The following KHDRBS3 variants were observed in gnomAD, a reference collection of about 807,000 sequenced individuals.
KHDRBS3 encodes KH RNA binding domain containing, signal transduction associated 3.
A neutral mutation model predicts 45.6 loss-of-function variants in KHDRBS3; 23 were observed. The observed-to-expected ratio is 0.50, with a 90% CI of 0.36 to 0.72. The LOEUF (loss-of-function observed/expected upper bound fraction) is 0.72. Among genes scored for constraint, KHDRBS3 ranks in the 30% least tolerant of loss-of-function variants. KHDRBS3 has a pLI of 0.00. For synonymous variants in KHDRBS3, 162 were observed against 156.5 expected (o/e 1.04, Z -0.26); for missense variants, 352 against 424.8 (o/e 0.83, Z 1.51).
intron 2 of KHDRBS3, among the ~76,000 whole-genome samples, chr8:135,534,093 A>C (rs1214339061): frequency 6.6e-6 from 1 of 151,422 alleles, no homozygotes; most frequent in Non-Finnish European, 1.5e-5. Context: ...CTGTATCCAA[A>C]CATTTTTTAA....
chr8:135,524,098 C>T, intron 2 of KHDRBS3, among the ~76,000 whole-genome samples: 1 of 152,132 alleles, frequency 6.6e-6, no homozygotes, highest in Non-Finnish European at 1.5e-5. Context: ...TCACTGCAAC[C>T]TCCATCTCCT....
intron 3 of KHDRBS3, among the ~76,000 whole-genome samples, chr8:135,544,478 T>G (rs1485889604): frequency 2.0e-5 from 3 of 152,180 alleles, no homozygotes; most frequent in African/African-American, 7.2e-5. Context: ...CAAGGCTGTC[T>G]GCTGTTGGCA....
intron 1 of KHDRBS3, among the ~76,000 whole-genome samples, chr8:135,513,904 C>T (rs1053566185): frequency 6.6e-6 from 1 of 151,830 alleles, no homozygotes; most frequent in African/African-American, 2.4e-5. Context: ...AAGATTGCTT[C>T]TGTTTGACTC....
intron 7 of KHDRBS3, among the ~76,000 whole-genome samples, chr8:135,635,094 T>C (rs1830755339): frequency 6.6e-6 from 1 of 152,234 alleles, no homozygotes; most frequent in African/African-American, 2.4e-5. Flanking sequence ...ATTTATCATA[T>C]TAGAAATTAA....
rs1554614716 is a variant in KHDRBS3, at chr8:135,481,273, C to CT, written c.88+23333dup. Reference sequence around the variant, plus strand: ...ATATTTAATGTAAGCCTTCTGTGTACTTTTTTTTTTTTTTAATCACAGGTG... The same window carrying CT: ...ATATTTAATGTAAGCCTTCTGTGTACTTTTTTTTTTTTTTTAATCACAGGTG... On this transcript the variant is annotated intron_variant, in intron 1 of 8. Transcript: ENST00000355849. 1.6e-3 allele frequency among the ~76,000 whole-genome samples: 59 copies of CT among 36,658 alleles called. 2 individuals are homozygous for CT. The highest frequency in any genetic ancestry group is 5.6e-3 in the Admixed American group (18 of 3,230). 24.0% of individuals were successfully genotyped at this position (36,658 alleles called of 152,430 possible).
At chr8:135,496,507 A>G (rs1823456121) in intron 1 of KHDRBS3, among the ~76,000 whole-genome samples, 1 of 152,108 alleles carries the variant, frequency 6.6e-6, no homozygotes, top group African/African-American at 2.4e-5. Context: ...TGCTGGGATT[A>G]CAGGTATAAG....
intron 2 of KHDRBS3, among the ~76,000 whole-genome samples, chr8:135,533,268 A>G (rs1426566334): frequency 6.6e-6 from 1 of 152,208 alleles, no homozygotes; most frequent in Non-Finnish European, 1.5e-5. Context: ...TAAATTAGTG[A>G]CAAAACCAGA....
intron 1 of KHDRBS3, among the ~76,000 whole-genome samples, chr8:135,508,006 T>C (rs1284596109): frequency 6.6e-6 from 1 of 152,212 alleles, no homozygotes; most frequent in Non-Finnish European, 1.5e-5. Flanking sequence ...TAGAATTCTT[T>C]ATATAAAAGT....
At chr8:135,467,538 A>C (rs1305511934) in intron 1 of KHDRBS3, among the ~76,000 whole-genome samples, 1 of 152,158 alleles carries the variant, frequency 6.6e-6, no homozygotes, top group Non-Finnish European at 1.5e-5. Flanking sequence ...GCCTTTCGTG[A>C]TAGGCATTTT....
chr8:135,536,015 T>C lies in KHDRBS3; in HGVS notation c.208-6639T>C, dbSNP rs184570378. Among the ~76,000 whole-genome samples the C allele has an allele frequency of 1.6e-4, 24 of 152,200 alleles. No individual in the cohort carries two copies. The East Asian group carries it at 3.5e-3, about 22-fold the overall frequency. The stretch of plus-strand genomic sequence containing the variant: ...TATTTTCTTTAATTTTCTCTGTGAG[T>C]GCCTGGGGGTAGGAGGGATTTTTTT... On this transcript the variant is annotated intron_variant, in intron 2 of 8. Transcript: ENST00000355849.
intron 7 of KHDRBS3, among the ~76,000 whole-genome samples, chr8:135,639,664 A>T (rs1325569772): frequency 6.6e-6 from 1 of 152,232 alleles, no homozygotes; most frequent in Non-Finnish European, 1.5e-5. Context: ...AAGAGGTTTA[A>T]TTGGCTCACA....
chr8:135,476,381 A>G (rs1227129745), intron 1 of KHDRBS3, among the ~76,000 whole-genome samples: 2 of 152,076 alleles, frequency 1.3e-5, no homozygotes, highest in Non-Finnish European at 2.9e-5. Context: ...TGACCTCGTG[A>G]TCCACCCACC....
intron 1 of KHDRBS3, among the ~76,000 whole-genome samples, chr8:135,476,465 A>G (rs1052139377): frequency 2.0e-5 from 3 of 152,110 alleles, no homozygotes; most frequent in Non-Finnish European, 2.9e-5. Flanking sequence ...ATAAGAATAT[A>G]TTGTGCTCCT....
At chr8:135,585,228 CAAAAAAAAA>C (rs35301059) in intron 6 of KHDRBS3, among the ~76,000 whole-genome samples, 3 of 96,168 alleles carry the variant, frequency 3.1e-5, no homozygotes, top group South Asian at 3.7e-4. Flanking sequence ...GACTCCGTCT[CAAAAAAAAA>C]AAAAAAAAAA....
intron 6 of KHDRBS3, among the ~76,000 whole-genome samples, chr8:135,583,847 T>C (rs1467662251): frequency 6.6e-6 from 1 of 152,176 alleles, no homozygotes; most frequent in Non-Finnish European, 1.5e-5. Context: ...GAAAAATTCT[T>C]GAAAGGTTAA....
chr8:135,599,348 G>A (rs1051463996), intron 6 of KHDRBS3, among the ~76,000 whole-genome samples: 27 of 152,210 alleles, frequency 1.8e-4, no homozygotes, highest in African/African-American at 6.0e-4. Flanking sequence ...TTTTAATAAT[G>A]TTCTGATATC....
intron 6 of KHDRBS3, among the ~76,000 whole-genome samples, chr8:135,589,843 G>A (rs1828664885): frequency 6.6e-6 from 1 of 152,174 alleles, no homozygotes; most frequent in South Asian, 2.1e-4. Flanking sequence ...CTAATTCTGT[G>A]TCGTGCCATG....
intron 1 of KHDRBS3, among the ~76,000 whole-genome samples, chr8:135,462,240 T>C (rs1821467010): frequency 1.3e-5 from 2 of 150,912 alleles, no homozygotes. Context: ...GTTATCAGTT[T>C]TTTTTTTTTT....
intron 1 of KHDRBS3, among the ~76,000 whole-genome samples, chr8:135,479,925 C>A (rs1822480734): frequency 6.6e-6 from 1 of 152,064 alleles, no homozygotes; most frequent in Non-Finnish European, 1.5e-5. Context: ...TATGAGCAAA[C>A]CAAATCTCAG....
Sources: allele counts gnomAD v4.1 joint callset (sites outside exome capture counted in the v4.1 genomes callset), GRCh38; gene constraint gnomAD v4.1.1; transcripts MANE v1.5; gene names NCBI Gene and HGNC (gene_info 2026-07-23, HGNC 2026-07-21).